MGAT4C: variants seen among roughly 807,000 people sequenced by gnomAD.
MGAT4C encodes MGAT4 family member C.
MGAT4C carries 19 observed loss-of-function variants against 40.1 expected under a neutral mutation model. That is an observed-to-expected ratio of 0.47 (90% CI 0.33 to 0.70). MGAT4C has a LOEUF of 0.70. Ranked by LOEUF, MGAT4C falls within the 30% of genes least tolerant of loss-of-function variation. The probability of loss-of-function intolerance (pLI) is 0.02; values close to 1 mark genes in which losing one functional copy is unlikely to be tolerated. For missense variants in MGAT4C, 491 were observed against 563.2 expected (o/e 0.87, Z 1.30); for synonymous variants, 181 against 187.1 (o/e 0.97, Z 0.27).
exon 1 of MGAT4C, chr12:86,838,813 C>T (rs1001393561): frequency 1.3e-5 from 2 of 152,208 alleles, no homozygotes; most frequent in Non-Finnish European, 2.9e-5. Context: ...TTAAATATTT[C>T]TTGGAATGTG....
In MGAT4C at chr12:86,347,768, C is replaced by T. The variant is rs145877791; in HGVS notation, c.-119-13641G>A. Among the ~76,000 whole-genome samples the T allele has an allele frequency of 7.9e-5, 12 of 152,166 alleles. 1 individual carries two copies. Among genetic ancestry groups the T allele is most frequent in the African/African-American group, 2.9e-4 (12 of 41,534 alleles). ...GAAAAATCGGACCATAAGCATAGTC[C>T]CCATGTTTCCTAGCCAACAATTCCT... On this transcript the variant is annotated intron_variant, in intron 3 of 7. Coordinates refer to the MGAT4C transcript ENST00000548651.
At chr12:85,999,829 G>A (rs1302903445) in intron 2 of MGAT4C, among the ~76,000 whole-genome samples, 4 of 152,016 alleles carry the variant, frequency 2.6e-5, no homozygotes, top group Admixed American at 6.6e-5. Context: ...AGTTGAACTC[G>A]TAAAAGCAGA....
At chr12:86,737,731 C>T (rs1951009604) in intron 1 of MGAT4C, among the ~76,000 whole-genome samples, 1 of 151,146 alleles carries the variant, frequency 6.6e-6, no homozygotes, top group African/African-American at 2.4e-5. Context: ...CAGTCAATAA[C>T]AATTCTTTCC....
intron 2 of MGAT4C, among the ~76,000 whole-genome samples, chr12:86,695,565 C>T (rs1342559672): frequency 5.3e-5 from 8 of 152,104 alleles, no homozygotes; most frequent in Admixed American, 3.3e-4. Flanking sequence ...GGTGCATGTA[C>T]GCAATGGAGT....
At chr12:86,386,772 G>C (rs1292980784) in intron 3 of MGAT4C, among the ~76,000 whole-genome samples, 1 of 152,174 alleles carries the variant, frequency 6.6e-6, no homozygotes, top group Non-Finnish European at 1.5e-5. Flanking sequence ...GTGGACTTTA[G>C]TGGAATATTA....
rs1353491359 is a variant in MGAT4C, at chr12:85,962,554, T to A, written c.*16735A>T. The A allele has an allele frequency of 3.3e-5, 5 of 150,520 alleles. No individual in the cohort carries two copies. Among genetic ancestry groups the A allele is most frequent in the African/African-American group, 1.2e-4 (5 of 41,244 alleles). 9.3% of individuals were successfully genotyped at this position (150,520 alleles called of 1,614,324 possible). ...TAAATGTATAATACATTTAGTAATG[T>A]GATTTGACAAATCACATTTGTCAAA... On this transcript the variant is annotated 3_prime_UTR_variant, in exon 5 of 5. Transcript: ENST00000611864.
At chr12:86,021,130 A>G (rs1889688067) in intron 2 of MGAT4C, among the ~76,000 whole-genome samples, 1 of 152,146 alleles carries the variant, frequency 6.6e-6, no homozygotes, top group African/African-American at 2.4e-5. Context: ...ACACTTTTAC[A>G]CTGTTGGTTG....
intron 4 of MGAT4C, among the ~76,000 whole-genome samples, chr12:86,322,524 G>T (rs1392668521): frequency 6.6e-6 from 1 of 151,984 alleles, no homozygotes; most frequent in African/African-American, 2.4e-5. Context: ...CTAAGAGGAT[G>T]AAGCCAATTC....
chr12:86,016,689 C>T (rs1304901328), intron 2 of MGAT4C, among the ~76,000 whole-genome samples: 1 of 152,078 alleles, frequency 6.6e-6, no homozygotes, highest in East Asian at 1.9e-4. Context: ...CTTAGAAGCA[C>T]ATAAAGCTGA....
At chr12:86,663,353 C>CAA (rs58562873) in intron 2 of MGAT4C, among the ~76,000 whole-genome samples, 192 of 42,464 alleles carry the variant, frequency 4.5e-3, no homozygotes, top group Non-Finnish European at 5.1e-3. Context: ...TCCTCTGTCT[C>CAA]AAAAAAAAAA....
intron 1 of MGAT4C, among the ~76,000 whole-genome samples, chr12:86,758,143 G>A (rs755630459): frequency 1.3e-5 from 2 of 152,094 alleles, no homozygotes; most frequent in African/African-American, 2.4e-5. Context: ...AGCTTCTACT[G>A]AAACTCAACA....
intron 2 of MGAT4C, among the ~76,000 whole-genome samples, chr12:86,672,228 T>C (rs1480517754): frequency 6.6e-6 from 1 of 152,002 alleles, no homozygotes; most frequent in African/African-American, 2.4e-5. Context: ...GAGAACATTT[T>C]GAAACAAATG....
intron 2 of MGAT4C, among the ~76,000 whole-genome samples, chr12:85,997,121 G>A (rs1024303157): frequency 6.6e-6 from 1 of 152,210 alleles, no homozygotes; most frequent in African/African-American, 2.4e-5. Context: ...TGGAAGGCAA[G>A]AAGGAGCAAG....
Position 86,253,872 on chromosome 12 carries a change from A to G in MGAT4C, c.-57+2367T>C, listed in dbSNP as rs1952405907. On this transcript the variant is annotated intron_variant, in intron 1 of 4. Coordinates refer to ENST00000611864, the MANE Select transcript of MGAT4C (RefSeq NM_001351288.2). ...GGCTTACAATAAACTAAATTCTAGG[A>G]AAGTGTTAAAATATACAAAAGAGTA... 2.0e-5 allele frequency among the ~76,000 whole-genome samples: 3 copies of G among 152,138 alleles called. No individual in the cohort carries two copies. In the South Asian group the frequency reaches 6.2e-4, roughly 31 times the overall value.
At chr12:86,766,355 C>T (rs997223599) in intron 1 of MGAT4C, among the ~76,000 whole-genome samples, 10 of 152,222 alleles carry the variant, frequency 6.6e-5, no homozygotes, top group Admixed American at 1.3e-4. Context: ...CAGGAGCACC[C>T]AGATTCATAA....
chr12:86,157,795 C>A (rs1191654801), intron 1 of MGAT4C, among the ~76,000 whole-genome samples: 1 of 152,098 alleles, frequency 6.6e-6, no homozygotes, highest in East Asian at 1.9e-4. Context: ...TGAGAACTTA[C>A]TATCATGAGA....
At chr12:86,738,900 G>T (rs1951023606) in intron 1 of MGAT4C, among the ~76,000 whole-genome samples, 1 of 150,762 alleles carries the variant, frequency 6.6e-6, no homozygotes, top group South Asian at 2.1e-4. Context: ...TGGTGTCCAT[G>T]CTATTACTGG....
intron 1 of MGAT4C, among the ~76,000 whole-genome samples, chr12:86,229,273 T>C (rs1951220614): frequency 6.6e-6 from 1 of 151,932 alleles, no homozygotes; most frequent in African/African-American, 2.4e-5. Flanking sequence ...ATTGCAAGAA[T>C]AATGCTTAAA....
intron 2 of MGAT4C, among the ~76,000 whole-genome samples, chr12:86,480,141 T>G (rs1023619517): frequency 1.3e-5 from 2 of 151,832 alleles, no homozygotes; most frequent in Non-Finnish European, 3.0e-5. Context: ...TTTTATTTTC[T>G]ATAAAAGTTT....
Sources: gnomAD v4.1 joint callset for allele counts (sites outside exome capture counted in the v4.1 genomes callset) on GRCh38, gnomAD v4.1.1 for gene constraint, MANE v1.5 for transcripts, NCBI Gene and HGNC (gene_info 2026-07-23, HGNC 2026-07-21) for gene names.